GRIK2: variants seen among roughly 807,000 people sequenced by gnomAD.
GRIK2 encodes glutamate receptor ionotropic, kainate 2.
In GRIK2, 32 loss-of-function variants were observed where a neutral mutation model predicts 100.3. The observed-to-expected ratio is 0.32, with a 90% confidence interval of 0.24 to 0.43. GRIK2 has a LOEUF of 0.43. Ranked by LOEUF, GRIK2 falls within the 20% of genes least tolerant of loss-of-function variation. The probability of loss-of-function intolerance (pLI) is 1.00; values close to 1 mark genes in which losing one functional copy is unlikely to be tolerated. For missense variants in GRIK2, 843 were observed against 1,114.9 expected (o/e 0.76, Z 3.47); for synonymous variants, 417 against 389.4 (o/e 1.07, Z -0.83).
chr6:101,935,646 T>C (rs2128473978), intron 14 of GRIK2, among the ~76,000 whole-genome samples: 1 of 152,086 alleles, frequency 6.6e-6, no homozygotes, highest in South Asian at 2.1e-4. Context: ...TTGAATTGGG[T>C]TCTGAGCAAG....
chr6:101,751,960 C>T (rs934857279), intron 7 of GRIK2, among the ~76,000 whole-genome samples: 1 of 152,134 alleles, frequency 6.6e-6, no homozygotes. Context: ...CTATTTCTTT[C>T]ACTTTCTCCT....
intron 14 of GRIK2, among the ~76,000 whole-genome samples, chr6:101,940,445 G>T (rs959804586): frequency 2.0e-5 from 3 of 151,968 alleles, no homozygotes; most frequent in Admixed American, 6.6e-5. Flanking sequence ...TAAAAATAGT[G>T]GCTAACCTGT....
chr6:101,998,952 T>C (rs975770679), intron 14 of GRIK2, among the ~76,000 whole-genome samples: 1 of 151,884 alleles, frequency 6.6e-6, no homozygotes, highest in Non-Finnish European at 1.5e-5. Context: ...TAGTTGGGAT[T>C]ACAGGCGTGT....
At chr6:101,819,211 C>T (rs9498719) in intron 10 of GRIK2, among the ~76,000 whole-genome samples, 11,211 of 152,158 alleles carry the variant, frequency 0.074, 439 homozygotes, top group African/African-American at 0.099. Context: ...TTTTCACCTA[C>T]CAAATAAGCT....
At chr6:101,678,639 G>T (rs997522252) in intron 5 of GRIK2, among the ~76,000 whole-genome samples, 5 of 152,094 alleles carry the variant, frequency 3.3e-5, no homozygotes, top group African/African-American at 1.2e-4. Context: ...ATTTAATAGG[G>T]TCCTATTTTG....
intron 14 of GRIK2, among the ~76,000 whole-genome samples, chr6:101,965,042 T>C (rs1192092169): frequency 1.3e-5 from 2 of 152,244 alleles, no homozygotes; most frequent in Non-Finnish European, 2.9e-5. Flanking sequence ...TAAGCTCTTA[T>C]CTGGAGCCTC....
At chr6:101,839,780 T>G (rs1032378406) in intron 10 of GRIK2, among the ~76,000 whole-genome samples, 2 of 152,174 alleles carry the variant, frequency 1.3e-5, no homozygotes, top group Admixed American at 6.6e-5. Context: ...CAAATTGGAC[T>G]TTATGAAGTC....
chr6:101,654,066 C>T (rs759194651), intron 4 of GRIK2, among the ~76,000 whole-genome samples: 9 of 152,126 alleles, frequency 5.9e-5, no homozygotes, highest in Non-Finnish European at 1.0e-4. Context: ...ATTCTTTGTA[C>T]CTAGGATAGC....
chr6:101,413,298 A>G (rs1054576537), intron 2 of GRIK2, among the ~76,000 whole-genome samples: 14 of 151,962 alleles, frequency 9.2e-5, no homozygotes, highest in African/African-American at 2.9e-4. Context: ...TTATTCTTCA[A>G]GAAAGAGAGA....
At chr6:101,774,889 A>G (rs1428165447) in intron 7 of GRIK2, among the ~76,000 whole-genome samples, 1 of 152,082 alleles carries the variant, frequency 6.6e-6, no homozygotes, top group Non-Finnish European at 1.5e-5. Context: ...TATAGAGAAA[A>G]TATGTATGGT....
intron 2 of GRIK2, among the ~76,000 whole-genome samples, chr6:101,538,591 A>C (rs1775833939): frequency 6.7e-6 from 1 of 150,150 alleles, no homozygotes; most frequent in African/African-American, 2.5e-5. Context: ...AGTAATATTG[A>C]CACACAAATG....
At chr6:101,413,680 T>G (rs1775982390) in intron 2 of GRIK2, among the ~76,000 whole-genome samples, 1 of 152,038 alleles carries the variant, frequency 6.6e-6, no homozygotes, top group South Asian at 2.1e-4. Context: ...GTTTCAGTAT[T>G]TCAATTCAAT....
chr6:102,007,823 A>G (rs1250648247), intron 14 of GRIK2, among the ~76,000 whole-genome samples: 1 of 152,040 alleles, frequency 6.6e-6, no homozygotes, highest in Non-Finnish European at 1.5e-5. Flanking sequence ...AATGTTAAAT[A>G]AATTATTGGA....
At chr6:101,940,915 A>G (rs1022726306) in intron 14 of GRIK2, among the ~76,000 whole-genome samples, 7 of 152,130 alleles carry the variant, frequency 4.6e-5, no homozygotes, top group African/African-American at 1.7e-4. Context: ...AGTGCAAGAC[A>G]TTTTTGCAAT....
intron 2 of GRIK2, among the ~76,000 whole-genome samples, chr6:101,493,841 A>G (rs1423242150): frequency 6.6e-6 from 1 of 150,390 alleles, no homozygotes; most frequent in African/African-American, 2.4e-5. Flanking sequence ...TCATCAAGCA[A>G]CAACATTATT....
intron 2 of GRIK2, among the ~76,000 whole-genome samples, chr6:101,596,918 T>C (rs554054547): frequency 1.7e-4 from 26 of 151,924 alleles, no homozygotes; most frequent in African/African-American, 6.3e-4. Flanking sequence ...TAAATTAATC[T>C]GCCAAAAAGA....
chr6:101,895,517 T>G (rs1305765146), intron 12 of GRIK2, among the ~76,000 whole-genome samples: 1 of 151,800 alleles, frequency 6.6e-6, no homozygotes, highest in Non-Finnish European at 1.5e-5. Flanking sequence ...AGCTTTCATA[T>G]TTTTGTCACA....
At chr6:101,880,062 A>G (rs1284470003) in intron 11 of GRIK2, among the ~76,000 whole-genome samples, 2 of 152,058 alleles carry the variant, frequency 1.3e-5, no homozygotes, top group Non-Finnish European at 2.9e-5. Context: ...TACTGTGGCT[A>G]TCTAGTGTCA....
chr6:101,842,940 CCTTT>C (rs1783602930), intron 10 of GRIK2, among the ~76,000 whole-genome samples: 1 of 152,126 alleles, frequency 6.6e-6, no homozygotes. Context: ...ACTGGAATCT[CCTTT>C]CTAACACCAG....
Sources: allele counts gnomAD v4.1 joint callset (sites outside exome capture counted in the v4.1 genomes callset), GRCh38; gene constraint gnomAD v4.1.1; transcripts MANE v1.5; gene names NCBI Gene and HGNC (gene_info 2026-07-23, HGNC 2026-07-21).